LINGO2: variants seen among roughly 807,000 people sequenced by gnomAD.
LINGO2 encodes the protein leucine-rich repeat and immunoglobulin-like domain-containing nogo receptor-interacting protein 2.
LINGO2 carries 14 observed loss-of-function variants against 30.6 expected under a neutral mutation model. The ratio of observed to expected loss-of-function variants is 0.46; its 90% confidence interval spans 0.30 to 0.72. The LOEUF (loss-of-function observed/expected upper bound fraction) is 0.72, where lower values mean the gene tolerates loss of function less well. Ranked by LOEUF, LINGO2 falls within the 30% of genes least tolerant of loss-of-function variation. The probability of loss-of-function intolerance (pLI) is 0.07; values close to 1 mark genes in which losing one functional copy is unlikely to be tolerated. For missense variants in LINGO2, 729 were observed against 751.7 expected (o/e 0.97, Z 0.35); for synonymous variants, 317 against 288.5 (o/e 1.10, Z -1.00).
chr9:29,113,280 A>G, the LINGO2 span, among the ~76,000 whole-genome samples: 1 of 152,226 alleles, frequency 6.6e-6, no homozygotes, highest in African/African-American at 2.4e-5. Context: ...TTGAAGCAAG[A>G]ACAAATATCA....
chr9:28,351,115 C>T (rs1442731690), intron 3 of LINGO2, among the ~76,000 whole-genome samples: 6 of 151,304 alleles, frequency 4.0e-5, no homozygotes, highest in Non-Finnish European at 8.9e-5. Context: ...CAAACACATT[C>T]AAAAGCTAGC....
the LINGO2 span, among the ~76,000 whole-genome samples, chr9:28,776,777 T>G: frequency 6.6e-6 from 1 of 151,612 alleles, no homozygotes; most frequent in African/African-American, 2.4e-5. Context: ...GTGAGATTTG[T>G]GTCAGAACAG....
At chr9:27,973,316 G>T (rs1208752976) in intron 5 of LINGO2, among the ~76,000 whole-genome samples, 4 of 152,142 alleles carry the variant, frequency 2.6e-5, no homozygotes, top group Admixed American at 2.0e-4. Flanking sequence ...GAGTATAACA[G>T]GGAAGAATAT....
At chr9:29,040,753 A>G in the LINGO2 span, among the ~76,000 whole-genome samples, 2 of 152,000 alleles carry the variant, frequency 1.3e-5, no homozygotes, top group African/African-American at 2.4e-5. Flanking sequence ...TTACAGTAAA[A>G]CCAAAGTCCT....
At chr9:28,294,790 C>G (rs1035482030) in intron 4 of LINGO2, among the ~76,000 whole-genome samples, 1 of 152,104 alleles carries the variant, frequency 6.6e-6, no homozygotes, top group Non-Finnish European at 1.5e-5. Flanking sequence ...TTGGAGTAAC[C>G]TTGAAGCACA....
chr9:29,126,526 C>G, the LINGO2 span, among the ~76,000 whole-genome samples: 1 of 151,978 alleles, frequency 6.6e-6, no homozygotes, highest in South Asian at 2.1e-4. Context: ...TATGTACATG[C>G]AAATACATTG....
chr9:29,192,228 T>C, the LINGO2 span, among the ~76,000 whole-genome samples: 1 of 152,196 alleles, frequency 6.6e-6, no homozygotes, highest in African/African-American at 2.4e-5. Context: ...CTACCATATG[T>C]GCATCCAGTT....
chr9:27,965,779 A>ATT (rs923667442), intron 5 of LINGO2, among the ~76,000 whole-genome samples: 1 of 151,960 alleles, frequency 6.6e-6, no homozygotes, highest in Non-Finnish European at 1.5e-5. Context: ...GATGAAAGTG[A>ATT]TTTTTGTCTA....
intron 5 of LINGO2, among the ~76,000 whole-genome samples, chr9:27,958,198 A>G (rs1819672158): frequency 6.6e-6 from 1 of 152,190 alleles, no homozygotes. Context: ...GTATCTATGG[A>G]GATGATCTTA....
intron 3 of LINGO2, among the ~76,000 whole-genome samples, chr9:28,339,530 G>C (rs1825698637): frequency 6.6e-6 from 1 of 152,094 alleles, no homozygotes. Flanking sequence ...CCAGTAGTAT[G>C]GTGGCTGTGA....
chr9:28,844,670 T>C, the LINGO2 span, among the ~76,000 whole-genome samples: 2 of 151,850 alleles, frequency 1.3e-5, no homozygotes, highest in Admixed American at 6.5e-5. Flanking sequence ...TACTTCCCAA[T>C]AGCAAAACTT....
the LINGO2 span, among the ~76,000 whole-genome samples, chr9:28,929,693 A>G: frequency 6.6e-6 from 1 of 152,224 alleles, no homozygotes; most frequent in African/African-American, 2.4e-5. Context: ...CCTAAGTATT[A>G]TGTCACAACA....
chr9:28,608,108 T>A (rs574737185), intron 1 of LINGO2, among the ~76,000 whole-genome samples: 2 of 151,814 alleles, frequency 1.3e-5, no homozygotes, highest in Admixed American at 1.3e-4. Flanking sequence ...GAAGTAATAC[T>A]GTTTTCACAG....
chr9:28,003,406 G>A (rs1822081826), intron 5 of LINGO2, among the ~76,000 whole-genome samples: 1 of 151,306 alleles, frequency 6.6e-6, no homozygotes, highest in Non-Finnish European at 1.5e-5. Flanking sequence ...GAGAGTTAGA[G>A]AGTTCACATT....
At chr9:29,076,632 A>AT in the LINGO2 span, among the ~76,000 whole-genome samples, 1 of 138,962 alleles carries the variant, frequency 7.2e-6, no homozygotes, top group African/African-American at 2.6e-5. Context: ...TAAATAAATA[A>AT]ATATATATAT....
the LINGO2 span, among the ~76,000 whole-genome samples, chr9:28,709,764 G>T: frequency 6.6e-6 from 1 of 151,624 alleles, no homozygotes; most frequent in Non-Finnish European, 1.5e-5. Flanking sequence ...TATTTAATTT[G>T]TAGTTATCTA....
chr9:29,030,415 T>C, the LINGO2 span, among the ~76,000 whole-genome samples: 3 of 152,146 alleles, frequency 2.0e-5, no homozygotes, highest in Non-Finnish European at 4.4e-5. Flanking sequence ...AATTCAAATT[T>C]CACCTGTTGT....
chr9:27,997,717 G>T lies in LINGO2; in HGVS notation c.-36+14638C>A, dbSNP rs756595843. Among the ~76,000 whole-genome samples the T allele has an allele frequency of 1.7e-4, 26 of 152,288 alleles. No homozygotes were observed. The South Asian group carries it at 2.7e-3, about 16-fold the overall frequency. On this transcript the variant is annotated intron_variant, in intron 5 of 5. Coordinates refer to ENST00000379992, the Ensembl canonical transcript of LINGO2. Reference sequence around the variant, plus strand: ...CCACAATGGAGATCTTTGCAAAAATGTATCTTTTTGCCTTGTCTGTGAACT... The same window carrying T: ...CCACAATGGAGATCTTTGCAAAAATTTATCTTTTTGCCTTGTCTGTGAACT...
At chr9:28,549,660 T>G (rs779892055) in intron 1 of LINGO2, among the ~76,000 whole-genome samples, 2 of 151,942 alleles carry the variant, frequency 1.3e-5, no homozygotes, top group Non-Finnish European at 2.9e-5. Flanking sequence ...TTTTTACTAA[T>G]AGTAGTATCT....
Sources: gnomAD v4.1 joint callset for allele counts (sites outside exome capture counted in the v4.1 genomes callset) on GRCh38, gnomAD v4.1.1 for gene constraint, MANE v1.5 for transcripts, NCBI Gene and HGNC (gene_info 2026-07-23, HGNC 2026-07-21) for gene names.